The following DOCK3 variants were observed in gnomAD, a reference collection of about 807,000 sequenced individuals.
DOCK3 encodes dedicator of cytokinesis protein 3.
A neutral mutation model predicts 265.6 loss-of-function variants in DOCK3; 60 were observed. That is an observed-to-expected ratio of 0.23 (90% CI 0.18 to 0.28). DOCK3 has a LOEUF of 0.28. Ranked by LOEUF, DOCK3 falls within the 10% of genes least tolerant of loss-of-function variation. The probability of loss-of-function intolerance (pLI) is 1.00; values close to 1 mark genes in which losing one functional copy is unlikely to be tolerated. For synonymous variants in DOCK3, 881 were observed against 938.0 expected, an observed-to-expected ratio of 0.94 and a Z score of 1.11; for missense variants, 1,981 against 2,594.3, an observed-to-expected ratio of 0.76 and a Z score of 5.14.
chr3:50,731,279 G>T, intron 1 of DOCK3, among the ~76,000 whole-genome samples: 1 of 152,170 alleles, frequency 6.6e-6, no homozygotes, highest in East Asian at 1.9e-4. Flanking sequence ...CAACTCAGGA[G>T]TAAATCAGGT....
intron 12 of DOCK3, among the ~76,000 whole-genome samples, chr3:51,161,333 A>G (rs1303899957): frequency 6.6e-6 from 1 of 151,230 alleles, no homozygotes. Context: ...AGTCCCAGCT[A>G]CTCGGGAGGC....
At chr3:51,324,384 AAGG>A (rs1204124995) in intron 32 of DOCK3, among the ~76,000 whole-genome samples, 1 of 152,250 alleles carries the variant, frequency 6.6e-6, no homozygotes, top group Non-Finnish European at 1.5e-5. Context: ...GGACCCCGTC[AAGG>A]AGAACTACAA....
chr3:51,058,558 A>C (rs896953714), intron 5 of DOCK3, among the ~76,000 whole-genome samples: 1 of 152,218 alleles, frequency 6.6e-6, no homozygotes, highest in African/African-American at 2.4e-5. Context: ...ATATATGTAC[A>C]TGTATATGCA....
rs537007348 is a variant in DOCK3, at chr3:50,679,635, A to C, written c.37+4335A>C. 2.9e-3 allele frequency among the ~76,000 whole-genome samples: 438 copies of C among 152,334 alleles called. 2 individuals carry two copies. The highest frequency in any genetic ancestry group is 7.1e-3 in the Admixed American group (109 of 15,302). Reference sequence around the variant, plus strand: ...ACCAGATCTGGAAGAATTAGTGTTCACAAAATTTGAGTAAATCTGTTGGTA... The same window carrying C: ...ACCAGATCTGGAAGAATTAGTGTTCCCAAAATTTGAGTAAATCTGTTGGTA... On this transcript the variant is annotated intron_variant, in intron 1 of 52. Coordinates refer to ENST00000266037, the MANE Select transcript of DOCK3 (RefSeq NM_004947.5).
chr3:51,202,920 A>G (rs1019958676), intron 12 of DOCK3, among the ~76,000 whole-genome samples: 2 of 152,158 alleles, frequency 1.3e-5, no homozygotes, highest in Admixed American at 6.5e-5. Context: ...CAAAAACCAC[A>G]TGATTATCTC....
chr3:50,787,675 G>C (rs1438111707), intron 2 of DOCK3: 2 of 1,303,958 alleles, frequency 1.5e-6, no homozygotes, highest in Non-Finnish European at 2.2e-6. Context: ...TCTGGGAGTA[G>C]GGGAAGTGGT....
intron 2 of DOCK3, 112 bp downstream of exon 2, chr3:50,778,870 A>G: frequency 1.5e-6 from 1 of 676,218 alleles, no homozygotes; most frequent in Non-Finnish European, 2.3e-6. Context: ...ATAATTAGTC[A>G]CATGATGAAA....
In DOCK3 at chr3:50,783,127, G is replaced by A. The variant is rs376469673; in HGVS notation, c.121+4369G>A. On this transcript the variant is annotated intron_variant, in intron 2 of 52. Transcript: ENST00000266037. ...TATTTTTGCAGTTGCGAATTGTGCT[G>A]CTATAAACATGCGTGTGCATGCGTC... 1.4e-4 allele frequency among the ~76,000 whole-genome samples: 22 copies of A among 152,058 alleles called. No homozygotes were observed. The South Asian group carries it at 4.6e-3, about 32-fold the overall frequency.
intron 9 of DOCK3, 27 bp downstream of exon 9, chr3:51,090,411 G>T: frequency 6.3e-7 from 1 of 1,589,218 alleles, no homozygotes; most frequent in Non-Finnish European, 8.6e-7. Context: ...ATTCTGGTGA[G>T]GTTCTATGTT....
chr3:50,955,131 A>G (rs1181654240), intron 5 of DOCK3, among the ~76,000 whole-genome samples: 8 of 152,180 alleles, frequency 5.3e-5, no homozygotes. Flanking sequence ...CCACAATGAG[A>G]TATCATCTCA....
Position 51,333,207 on chromosome 3 carries a change from T to A in DOCK3, c.3565T>A (p.Phe1189Ile), listed in dbSNP as rs1178096474. Reference protein sequence around the residue: ...QETWRETGISFVTSVTRLMER... With the variant: ...QETWRETGISIVTSVTRLMER... ...AACATGGCGCGAGACCGGCATTTCC[T>A]TTGTGACCTCAGTCACCCGCCTCAT... The change falls in exon 35 of 53, where the codon TTT becomes ATT. Residue 1189 changes from phenylalanine to isoleucine, a missense_variant. This residue lies in a region of DOCK3 where 1,357 missense variants were observed against 1,866.8 expected (regional missense o/e 0.73). Transcript: ENST00000266037. 1 of 1,613,828 alleles carries A rather than the reference T, an allele frequency of 6.2e-7. No homozygotes were observed. Among genetic ancestry groups the A allele is most frequent in the Non-Finnish European group, 8.5e-7 (1 of 1,179,896 alleles).
At chr3:50,874,042 GTTTTTTTTTTTTTCTTTTCTTTTGT>G (rs2047571079) in intron 3 of DOCK3, among the ~76,000 whole-genome samples, 2 of 115,176 alleles carry the variant, frequency 1.7e-5, no homozygotes, top group Admixed American at 8.5e-5. Flanking sequence ...TCATGAAGGT[GTTTTTTTTTTTTTCTTTTCTTTTGT>G]TTTTTTTTTT....
At chr3:51,300,764 G>A (rs953724193) in intron 27 of DOCK3, among the ~76,000 whole-genome samples, 3 of 152,186 alleles carry the variant, frequency 2.0e-5, no homozygotes, top group African/African-American at 7.2e-5. Flanking sequence ...ACCTGATCAT[G>A]GTAGATAAGC....
intron 32 of DOCK3, among the ~76,000 whole-genome samples, chr3:51,317,284 C>T (rs1307535113): frequency 1.4e-5 from 2 of 146,090 alleles, no homozygotes; most frequent in African/African-American, 5.0e-5. Flanking sequence ...AAAAGAAAAA[C>T]AAATGGGTTT....
intron 5 of DOCK3, among the ~76,000 whole-genome samples, chr3:51,054,812 C>T (rs1485179053): frequency 6.6e-6 from 1 of 151,894 alleles, no homozygotes; most frequent in Non-Finnish European, 1.5e-5. Context: ...TTTATTATGC[C>T]CTATTCTTCT....
chr3:50,879,441 A>G (rs182104794), intron 3 of DOCK3, among the ~76,000 whole-genome samples: 3 of 145,402 alleles, frequency 2.1e-5, no homozygotes, highest in African/African-American at 7.9e-5. Context: ...AAGATTTACC[A>G]AGCAAATGGA....
chr3:51,062,661 TA>T (rs1418689466), intron 5 of DOCK3, among the ~76,000 whole-genome samples: 5 of 152,234 alleles, frequency 3.3e-5, no homozygotes, highest in Non-Finnish European at 7.3e-5. Context: ...AACAAAGTGT[TA>T]GTACTCAAGA....
At chr3:51,194,330 C>T (rs1422016298) in intron 12 of DOCK3, among the ~76,000 whole-genome samples, 1 of 152,062 alleles carries the variant, frequency 6.6e-6, no homozygotes, top group East Asian at 1.9e-4. Context: ...AACATTTGGT[C>T]TATACTGGAG....
intron 5 of DOCK3, among the ~76,000 whole-genome samples, chr3:50,981,211 A>G (rs1328300375): frequency 6.6e-6 from 1 of 152,218 alleles, no homozygotes; most frequent in Non-Finnish European, 1.5e-5. Flanking sequence ...CCCAGTGGTC[A>G]TTCAAGAGCA....
Sources: allele counts gnomAD v4.1 joint callset (sites outside exome capture counted in the v4.1 genomes callset), GRCh38; gene constraint gnomAD v4.1.1; regional missense constraint gnomAD v4.1.1; transcripts MANE v1.5; gene names NCBI Gene and HGNC (gene_info 2026-07-23, HGNC 2026-07-21).